Variants in SLC10A7 observed in about 807,000 individuals in gnomAD.
SLC10A7 encodes sodium/bile acid cotransporter 7.
A neutral mutation model predicts 43.2 loss-of-function variants in SLC10A7; 29 were observed. That is an observed-to-expected ratio of 0.67 (90% CI 0.50 to 0.92). The LOEUF is 0.92. Ranked by LOEUF, SLC10A7 falls within the 40% of genes least tolerant of loss-of-function variation. The pLI is 0.00. For synonymous variants in SLC10A7, 152 were observed against 144.8 expected, an observed-to-expected ratio of 1.05 and a Z score of -0.35; for missense variants, 295 against 403.2, an observed-to-expected ratio of 0.73 and a Z score of 2.30.
chr4:146,274,744 C>A (rs1263957899), intron 10 of SLC10A7, among the ~76,000 whole-genome samples: 2 of 152,056 alleles, frequency 1.3e-5, no homozygotes, highest in African/African-American at 4.8e-5. Context: ...AGGGTCCGGG[C>A]CTACTGCATT....
At chr4:146,375,927 T>TCAC (rs1737165916) in intron 5 of SLC10A7, among the ~76,000 whole-genome samples, 1 of 152,188 alleles carries the variant, frequency 6.6e-6, no homozygotes, top group Non-Finnish European at 1.5e-5. Flanking sequence ...TTGTGACCTA[T>TCAC]ACTGATGACA....
chr4:146,507,951 T>G (rs1454832568), intron 3 of SLC10A7, among the ~76,000 whole-genome samples: 1 of 152,226 alleles, frequency 6.6e-6, no homozygotes, highest in Non-Finnish European at 1.5e-5. Flanking sequence ...ATTTAGCATA[T>G]TGAGAGTCCA....
chr4:146,288,174 C>G (rs1447605538), intron 9 of SLC10A7, among the ~76,000 whole-genome samples: 1 of 152,128 alleles, frequency 6.6e-6, no homozygotes, highest in Non-Finnish European at 1.5e-5. Flanking sequence ...AAAAAGGGAA[C>G]ATTTAAGGTT....
At chr4:146,339,589 C>A (rs1327709851) in intron 5 of SLC10A7, among the ~76,000 whole-genome samples, 1 of 151,884 alleles carries the variant, frequency 6.6e-6, no homozygotes, top group East Asian at 1.9e-4. Flanking sequence ...ATCCTCCTGC[C>A]ACCCCCAACA....
At chr4:146,391,534 T>C (rs1266416177) in intron 5 of SLC10A7, among the ~76,000 whole-genome samples, 1 of 152,244 alleles carries the variant, frequency 6.6e-6, no homozygotes, top group Non-Finnish European at 1.5e-5. Context: ...AGTTTTAAAA[T>C]CTGCTCAAAT....
rs572359261 is a variant in SLC10A7, at chr4:146,341,182, T to C, written c.436-15186A>G. The stretch of plus-strand genomic sequence containing the variant: ...CATTTTATGATTAATATAAGTATAA[T>C]TGCAGGAACTTTAAAAGTAGCAACC... On this transcript the variant is annotated intron_variant, in intron 5 of 11. Transcript: ENST00000335472. Among the ~76,000 whole-genome samples, 4 of 151,930 alleles carry C rather than the reference T, an allele frequency of 2.6e-5. No individual in the cohort carries two copies. The East Asian group carries it at 5.8e-4, about 22-fold the overall frequency.
intron 5 of SLC10A7, among the ~76,000 whole-genome samples, chr4:146,425,004 CTAAAG>C (rs1322811836): frequency 6.6e-6 from 1 of 151,718 alleles, no homozygotes. Flanking sequence ...TTCTAATATC[CTAAAG>C]TAAACAGTCC....
intron 5 of SLC10A7, among the ~76,000 whole-genome samples, chr4:146,420,604 C>T (rs1728894583): frequency 6.6e-6 from 1 of 152,084 alleles, no homozygotes; most frequent in Non-Finnish European, 1.5e-5. Flanking sequence ...GAGATAGGTA[C>T]ATAAGGCTTA....
chr4:146,269,994 T>C lies in SLC10A7; in HGVS notation c.848-11157A>G, dbSNP rs573333101. ...CCAGTGGTAATTTTCCTTTTCATGG[T>C]ACTGTGTTTATGTTGAACAAAAGCC... On this transcript the variant is annotated intron_variant, in intron 10 of 11. Coordinates refer to ENST00000335472, the MANE Select transcript of SLC10A7 (RefSeq NM_001029998.6). 2.0e-3 allele frequency among the ~76,000 whole-genome samples: 305 copies of C among 152,322 alleles called. 1 individual carries two copies. The highest frequency in any genetic ancestry group is 7.0e-3 in the African/African-American group (293 of 41,576).
At chr4:146,433,907 TCA>T (rs1473797869) in intron 5 of SLC10A7, among the ~76,000 whole-genome samples, 1 of 152,106 alleles carries the variant, frequency 6.6e-6, no homozygotes, top group Non-Finnish European at 1.5e-5. Flanking sequence ...TTTAGCAATA[TCA>T]AGAATATTTT....
intron 5 of SLC10A7, among the ~76,000 whole-genome samples, chr4:146,360,362 T>A (rs1735956580): frequency 6.6e-6 from 1 of 152,160 alleles, no homozygotes; most frequent in Non-Finnish European, 1.5e-5. Flanking sequence ...CTGTGCTTGA[T>A]TCTTTATAAG....
chr4:146,270,079 C>A (rs888994360), intron 10 of SLC10A7, among the ~76,000 whole-genome samples: 20 of 151,998 alleles, frequency 1.3e-4, no homozygotes, highest in African/African-American at 4.6e-4. Context: ...GATTAAAAAC[C>A]AGACTTATTT....
intron 3 of SLC10A7, 110 bp downstream of exon 3, chr4:146,509,803 C>T (rs1351146025): frequency 2.1e-6 from 2 of 968,428 alleles, no homozygotes; most frequent in East Asian, 2.7e-5. Context: ...TTTTTACTTC[C>T]TTTTAAGATG....
At chr4:146,331,184 G>A (rs189083040) in intron 5 of SLC10A7, among the ~76,000 whole-genome samples, 2 of 151,994 alleles carry the variant, frequency 1.3e-5, no homozygotes, top group Admixed American at 1.3e-4. Flanking sequence ...TAAATTTAAG[G>A]CTCCACATTT....
chr4:146,361,620 C>G lies in SLC10A7; in HGVS notation c.436-35624G>C, dbSNP rs576034117. Among the ~76,000 whole-genome samples the G allele has an allele frequency of 7.2e-5, 11 of 152,252 alleles. No individual in the cohort carries two copies. The South Asian group carries it at 2.3e-3, about 32-fold the overall frequency. On this transcript the variant is annotated intron_variant, in intron 5 of 11. Coordinates refer to ENST00000335472, the MANE Select transcript of SLC10A7 (RefSeq NM_001029998.6). The stretch of plus-strand genomic sequence containing the variant: ...AAAGCCCTCTCAAGAAGGATGAGTA[C>G]AAACAGGTCCAGACTGTGAAGAATG...
Position 146,336,225 on chromosome 4 carries a change from T to A in SLC10A7, c.436-10229A>T, listed in dbSNP as rs80006509. On this transcript the variant is annotated intron_variant, in intron 5 of 11. Coordinates refer to ENST00000335472, the MANE Select transcript of SLC10A7 (RefSeq NM_001029998.6). ...AGGTAAACAAATTGGCATGGTAAGA[T>A]TTGCCCAAGGGCCATAGTTTGCAGA... Among the ~76,000 whole-genome samples, 1,155 of 152,246 alleles carry A rather than the reference T, an allele frequency of 7.6e-3. 13 individuals carry two copies. Among genetic ancestry groups the A allele is most frequent in the African/African-American group, 0.022 (904 of 41,554 alleles).
chr4:146,373,144 T>G (rs1736911720), intron 5 of SLC10A7, among the ~76,000 whole-genome samples: 1 of 152,190 alleles, frequency 6.6e-6, no homozygotes, highest in Admixed American at 6.5e-5. Flanking sequence ...AAAAGGCTGA[T>G]TACAAGTACA....
intron 5 of SLC10A7, among the ~76,000 whole-genome samples, chr4:146,339,521 G>A (rs950212627): frequency 6.6e-6 from 1 of 151,906 alleles, no homozygotes; most frequent in African/African-American, 2.4e-5. Context: ...GAAGGAGGTG[G>A]ATTAACCAAT....
intron 5 of SLC10A7, among the ~76,000 whole-genome samples, chr4:146,336,632 T>G (rs1298558560): frequency 6.6e-6 from 1 of 152,060 alleles, no homozygotes; most frequent in East Asian, 1.9e-4. Context: ...GGCCAGCAGA[T>G]AGTCCGCCTA....
Sources: allele counts gnomAD v4.1 joint callset (sites outside exome capture counted in the v4.1 genomes callset), GRCh38; gene constraint gnomAD v4.1.1; transcripts MANE v1.5; gene names NCBI Gene and HGNC (gene_info 2026-07-23, HGNC 2026-07-21).